Variants in GPC6 observed in about 807,000 individuals in gnomAD.
GPC6 encodes the protein glypican 6.
GPC6 carries 14 observed loss-of-function variants against 55.2 expected under a neutral mutation model. The ratio of observed to expected loss-of-function variants is 0.25; its 90% CI spans 0.17 to 0.40. The LOEUF (loss-of-function observed/expected upper bound fraction) is 0.40, where lower values mean the gene tolerates loss of function less well. Among genes scored for constraint, GPC6 ranks in the 10% least tolerant of loss-of-function variants. GPC6 has a pLI of 1.00. For missense variants in GPC6, 641 were observed against 708.5 expected, an observed-to-expected ratio of 0.90 and a Z score of 1.08; for synonymous variants, 278 against 259.6, an observed-to-expected ratio of 1.07 and a Z score of -0.68.
chr13:93,804,972 A>C (rs1388388258), intron 2 of GPC6, among the ~76,000 whole-genome samples: 2 of 152,224 alleles, frequency 1.3e-5, no homozygotes, highest in African/African-American at 4.8e-5. Context: ...ATTTTGAAAA[A>C]TTAAATGAGT....
At chr13:93,795,126 T>C (rs1375732537) in intron 2 of GPC6, among the ~76,000 whole-genome samples, 1 of 152,034 alleles carries the variant, frequency 6.6e-6, no homozygotes, top group Non-Finnish European at 1.5e-5. Flanking sequence ...TCAGGGTGAG[T>C]CCACAGTGCA....
At chr13:93,386,428 C>A (rs1175681381) in intron 1 of GPC6, among the ~76,000 whole-genome samples, 1 of 152,078 alleles carries the variant, frequency 6.6e-6, no homozygotes. Context: ...GAAGCATGGC[C>A]CACGGGAACC....
At chr13:94,271,084 A>G (rs991553206) in intron 4 of GPC6, among the ~76,000 whole-genome samples, 13 of 134,226 alleles carry the variant, frequency 9.7e-5, no homozygotes, top group African/African-American at 3.3e-4. Context: ...CCAGCTTCCC[A>G]GGTTCATGCC....
rs778939811 is a variant in GPC6, at chr13:93,545,244, A to T, written c.161-19A>T. Reference sequence around the variant, plus strand: ...AAAGTCCTTAGAATGCAATAGTGACATTTAACTTCTCATTGCAGGGGAACA... The same window carrying T: ...AAAGTCCTTAGAATGCAATAGTGACTTTTAACTTCTCATTGCAGGGGAACA... On this transcript the variant is annotated intron_variant, in intron 1 of 8. Transcript: ENST00000377047. 6.2e-7 allele frequency: 1 copy of T among 1,605,334 alleles called. No homozygotes were observed. Among genetic ancestry groups the T allele is most frequent in the Non-Finnish European group, 8.5e-7 (1 of 1,172,206 alleles).
intron 3 of GPC6, among the ~76,000 whole-genome samples, chr13:93,842,742 A>G (rs1887998784): frequency 6.6e-6 from 1 of 152,078 alleles, no homozygotes; most frequent in African/African-American, 2.4e-5. Context: ...TCACCAGGAT[A>G]TTTATTTTTT....
At chr13:94,033,018 C>G (rs1273590421) in intron 4 of GPC6, among the ~76,000 whole-genome samples, 1 of 152,148 alleles carries the variant, frequency 6.6e-6, no homozygotes, top group Admixed American at 6.5e-5. Context: ...GAATAGAGAA[C>G]AGATAAGGCC....
chr13:94,099,123 G>A (rs1176720639), intron 4 of GPC6, among the ~76,000 whole-genome samples: 1 of 151,986 alleles, frequency 6.6e-6, no homozygotes, highest in African/African-American at 2.4e-5. Context: ...GTGTCATTCT[G>A]ACCCATAAAA....
At chr13:94,123,682 C>T (rs2138856726) in intron 4 of GPC6, among the ~76,000 whole-genome samples, 1 of 151,964 alleles carries the variant, frequency 6.6e-6, no homozygotes, top group Non-Finnish European at 1.5e-5. Flanking sequence ...TGTTTGTATG[C>T]ATGCACGCAT....
At chr13:93,992,726 T>C (rs1272906896) in intron 3 of GPC6, among the ~76,000 whole-genome samples, 2 of 152,194 alleles carry the variant, frequency 1.3e-5, no homozygotes, top group African/African-American at 2.4e-5. Context: ...CTTTTAGTTA[T>C]ACTAATACAT....
intron 2 of GPC6, among the ~76,000 whole-genome samples, chr13:93,718,112 T>C (rs755385493): frequency 2.6e-5 from 4 of 151,814 alleles, no homozygotes; most frequent in African/African-American, 4.8e-5. Context: ...TTATAATCCT[T>C]TGGGATTATA....
intron 6 of GPC6, among the ~76,000 whole-genome samples, chr13:94,362,624 G>C (rs1879109084): frequency 6.6e-6 from 1 of 152,150 alleles, no homozygotes; most frequent in Non-Finnish European, 1.5e-5. Flanking sequence ...GCCTGGAGAC[G>C]AGGCTGGACC....
At chr13:93,828,529 C>T (rs895896322) in intron 2 of GPC6, among the ~76,000 whole-genome samples, 16 of 152,004 alleles carry the variant, frequency 1.1e-4, no homozygotes, top group African/African-American at 3.1e-4. Flanking sequence ...TTGCAAATTT[C>T]GCCCTATCTG....
At chr13:93,276,989 A>G (rs991690874) in intron 1 of GPC6, among the ~76,000 whole-genome samples, 1 of 152,216 alleles carries the variant, frequency 6.6e-6, no homozygotes, top group Non-Finnish European at 1.5e-5. Flanking sequence ...ATTATAATCA[A>G]TGCTTCTAAA....
At chr13:94,111,478 TAATAATAATA>T (rs1365290864) in intron 4 of GPC6, among the ~76,000 whole-genome samples, 1 of 16,694 alleles carries the variant, frequency 6.0e-5, no homozygotes, top group Non-Finnish European at 1.3e-4. Flanking sequence ...GTAAATATAA[TAATAATAATA>T]ATAATAATAA....
At chr13:94,174,543 A>G (rs576341014) in intron 4 of GPC6, among the ~76,000 whole-genome samples, 1 of 152,158 alleles carries the variant, frequency 6.6e-6, no homozygotes. Flanking sequence ...AAGAAATGGC[A>G]TAAAACAAAT....
intron 1 of GPC6, among the ~76,000 whole-genome samples, chr13:93,368,807 C>T (rs1442483036): frequency 6.6e-6 from 1 of 152,112 alleles, no homozygotes; most frequent in African/African-American, 2.4e-5. Context: ...AATGGACAGT[C>T]TAAGAAAAGC....
At chr13:93,404,801 A>T (rs963562464) in intron 1 of GPC6, among the ~76,000 whole-genome samples, 3 of 150,960 alleles carry the variant, frequency 2.0e-5, no homozygotes, top group African/African-American at 7.3e-5. Flanking sequence ...TATCAATCTG[A>T]TATTTATTTA....
At chr13:94,108,308 T>G (rs1886126591) in intron 4 of GPC6, among the ~76,000 whole-genome samples, 1 of 152,160 alleles carries the variant, frequency 6.6e-6, no homozygotes, top group Non-Finnish European at 1.5e-5. Flanking sequence ...AAACATTGTA[T>G]GTTCTCACTC....
chr13:93,223,496 T>C (rs1048942013), upstream of GPC6, among the ~76,000 whole-genome samples: 1 of 152,328 alleles, frequency 6.6e-6, no homozygotes, highest in East Asian at 1.9e-4. Flanking sequence ...CAGGCTGGAG[T>C]GCAGTGGCGT....
Sources: gnomAD v4.1 joint callset for allele counts (sites outside exome capture counted in the v4.1 genomes callset) on GRCh38, gnomAD v4.1.1 for gene constraint, MANE v1.5 for transcripts, NCBI Gene and HGNC (gene_info 2026-07-23, HGNC 2026-07-21) for gene names.